The following CSMD3 variants were observed in gnomAD, a reference collection of about 807,000 sequenced individuals.
CSMD3 encodes CUB and Sushi multiple domains 3, also known as CUB and sushi domain-containing protein 3.
CSMD3 carries 177 observed loss-of-function variants against 435.2 expected under a neutral mutation model. The observed-to-expected ratio is 0.41, with a 90% CI of 0.36 to 0.46. CSMD3 has a LOEUF of 0.46. Ranked by LOEUF, CSMD3 falls within the 20% of genes least tolerant of loss-of-function variation. CSMD3 has a pLI of 0.34. For synonymous variants in CSMD3, 1,656 were observed against 1,520.5 expected (o/e 1.09, Z -2.07); for missense variants, 4,265 against 4,504.6 (o/e 0.95, Z 1.52).
intron 1 of CSMD3, among the ~76,000 whole-genome samples, chr8:113,365,253 A>C (rs1017227273): frequency 4.6e-5 from 7 of 152,258 alleles, no homozygotes; most frequent in African/African-American, 1.7e-4. Context: ...AACTGCTATT[A>C]AGGATTCAAA....
At chr8:113,382,728 C>A (rs559763281) in intron 1 of CSMD3, among the ~76,000 whole-genome samples, 2 of 152,192 alleles carry the variant, frequency 1.3e-5, no homozygotes, top group South Asian at 4.1e-4. Context: ...GCCTGTAATC[C>A]CAGCACTTTG....
chr8:113,361,143 C>A (rs535792319), intron 1 of CSMD3, among the ~76,000 whole-genome samples: 1 of 152,224 alleles, frequency 6.6e-6, no homozygotes, highest in South Asian at 2.1e-4. Context: ...ACTGGAAATG[C>A]ATTATGATCA....
intron 36 of CSMD3, among the ~76,000 whole-genome samples, chr8:112,384,323 C>T (rs2131260059): frequency 6.6e-6 from 1 of 152,258 alleles, no homozygotes; most frequent in South Asian, 2.1e-4. Context: ...AACTACGTCA[C>T]AGTGAAGGTC....
intron 8 of CSMD3, among the ~76,000 whole-genome samples, chr8:112,951,937 C>G (rs1317764024): frequency 6.6e-6 from 1 of 151,388 alleles, no homozygotes; most frequent in Non-Finnish European, 1.5e-5. Flanking sequence ...TCATTTATGG[C>G]AGGCTCACAG....
rs1828933853 is a variant in CSMD3, at chr8:112,564,751, G to T, written c.4043-7797C>A. Among the ~76,000 whole-genome samples, 4 of 152,062 alleles carry T rather than the reference G, an allele frequency of 2.6e-5. No individual in the cohort carries two copies. In the South Asian group the frequency reaches 8.3e-4, roughly 31 times the overall value. ...TTGTTGGCAAGAGAATCTGAAAAAT[G>T]TAGTTGCCAGATTTTTGGTTTCTAC... On this transcript the variant is annotated intron_variant, in intron 24 of 70. Coordinates refer to ENST00000297405, the MANE Select transcript of CSMD3 (RefSeq NM_198123.2).
intron 55 of CSMD3, 60 bp downstream of exon 55, chr8:112,292,477 C>T (rs376695225): frequency 1.9e-6 from 3 of 1,549,596 alleles, no homozygotes; most frequent in South Asian, 1.1e-5. Flanking sequence ...AAGTGTGTCA[C>T]TGATGTTTAT....
Position 112,319,958 on chromosome 8 carries a change from G to A in CSMD3, c.7189C>T (p.Pro2397Ser), listed in dbSNP as rs145699839. 2.3e-4 allele frequency: 367 copies of A among 1,612,398 alleles called. 2 individuals carry two copies. The South Asian group carries it at 3.8e-3, about 17-fold the overall frequency. The change falls in exon 46 of 71, where the codon CCT (proline) becomes TCT (serine). Residue 2397 changes from proline to serine, a missense_variant. Physicochemically the swap from Pro to Ser is moderately conservative, Grantham distance 74. Transcript: ENST00000297405. ...TCAGCATTGGGCACAGGTGGTGGAG[G>A]TTGGCACACCCTTAGTTGATAGGCT... The part of the protein sequence containing the change: ...YHAYQLRVCQ[P>S]PPPVPNAEIL...
intron 3 of CSMD3, among the ~76,000 whole-genome samples, chr8:113,241,430 T>C (rs559584463): frequency 2.5e-4 from 38 of 152,130 alleles, no homozygotes; most frequent in African/African-American, 8.4e-4. Flanking sequence ...TATGCCTACG[T>C]TGATCTATTT....
rs919015209 is a variant in CSMD3, at chr8:112,636,902, C to T, written c.3630G>A (p.Ser1210=). 1.2e-6 allele frequency: 2 copies of T among 1,613,254 alleles called. No individual in the cohort carries two copies. The highest frequency in any genetic ancestry group is 1.3e-5 in the African/African-American group (1 of 74,882). ...IGDTLTFSCS[S]GYRLEGTSEI... ...CTGATGTTCCTTCCAGTCGATAACC[C>T]GAAGAGCATGAGAAGGTCAGAGTGT... The change falls in exon 22 of 71, where the codon TCG becomes TCA. Residue 1210 remains serine, a synonymous_variant. Coordinates refer to ENST00000297405, the MANE Select transcript of CSMD3 (RefSeq NM_198123.2).
chr8:112,676,301 T>C (rs1320208672), intron 16 of CSMD3, among the ~76,000 whole-genome samples: 2 of 151,988 alleles, frequency 1.3e-5, no homozygotes, highest in Non-Finnish European at 2.9e-5. Flanking sequence ...ATGAAATGAA[T>C]GCAATAGAGA....
intron 22 of CSMD3, among the ~76,000 whole-genome samples, chr8:112,608,286 TA>T (rs368535444): frequency 7.6e-4 from 116 of 151,810 alleles, no homozygotes; most frequent in African/African-American, 1.3e-3. Flanking sequence ...AAAACATTAA[TA>T]AAAAAAATTG....
At chr8:113,206,571 C>T (rs116317868) in intron 3 of CSMD3, among the ~76,000 whole-genome samples, 1,541 of 151,988 alleles carry the variant, frequency 0.01, 21 homozygotes, top group African/African-American at 0.036. Context: ...TCCAGTACCC[C>T]GAAACCCCTC....
chr8:113,286,939 C>T (rs2093651044), intron 2 of CSMD3, among the ~76,000 whole-genome samples: 1 of 151,350 alleles, frequency 6.6e-6, no homozygotes, highest in African/African-American at 2.4e-5. Context: ...TAAAGAATGA[C>T]TGATGAAGAA....
At chr8:112,419,988 T>C (rs1360952538) in intron 32 of CSMD3, among the ~76,000 whole-genome samples, 1 of 152,216 alleles carries the variant, frequency 6.6e-6, no homozygotes, top group Non-Finnish European at 1.5e-5. Flanking sequence ...CACTTTTGTT[T>C]TGAACCATTT....
intron 11 of CSMD3, among the ~76,000 whole-genome samples, chr8:112,846,649 A>G (rs1407863946): frequency 6.6e-6 from 1 of 151,936 alleles, no homozygotes; most frequent in Non-Finnish European, 1.5e-5. Flanking sequence ...GCCTCAAGTG[A>G]TCCTCCCACC....
At chr8:112,344,823 T>A (rs1393948481) in intron 41 of CSMD3, among the ~76,000 whole-genome samples, 2 of 152,150 alleles carry the variant, frequency 1.3e-5, no homozygotes, top group African/African-American at 4.8e-5. Flanking sequence ...GAAGGTATTA[T>A]AGTGATTTGT....
chr8:112,385,205 C>T (rs557670393), intron 36 of CSMD3, among the ~76,000 whole-genome samples: 1 of 152,276 alleles, frequency 6.6e-6, no homozygotes, highest in South Asian at 2.1e-4. Context: ...TTCCTGGCTC[C>T]CTCTCCTCAT....
chr8:112,353,750 G>T (rs1303588563), intron 38 of CSMD3, among the ~76,000 whole-genome samples: 3 of 152,010 alleles, frequency 2.0e-5, no homozygotes. Context: ...AGACCAGATG[G>T]ATTTATGGCT....
Position 112,311,819 on chromosome 8 carries a change from C to T in CSMD3, c.7697-653G>A, listed in dbSNP as rs561140578. ...GTACTTTTGAGAATATTCAGCATGGCAGGTCCCATTTACCTTCTGAAACTT... is the reference window on the plus strand; with the variant it reads ...GTACTTTTGAGAATATTCAGCATGGTAGGTCCCATTTACCTTCTGAAACTT... On this transcript the variant is annotated intron_variant, in intron 49 of 70. Coordinates refer to ENST00000297405, the MANE Select transcript of CSMD3 (RefSeq NM_198123.2). Among the ~76,000 whole-genome samples the T allele has an allele frequency of 1.3e-4, 20 of 152,258 alleles. No individual in the cohort carries two copies. The South Asian group carries it at 3.9e-3, about 30-fold the overall frequency.
Sources: allele counts gnomAD v4.1 joint callset (sites outside exome capture counted in the v4.1 genomes callset), GRCh38; gene constraint gnomAD v4.1.1; transcripts MANE v1.5; gene names NCBI Gene and HGNC (gene_info 2026-07-23, HGNC 2026-07-21).